The following NXN variants were observed in gnomAD, a reference collection of about 807,000 sequenced individuals.
NXN encodes nucleoredoxin 1.
A neutral mutation model predicts 48.6 loss-of-function variants in NXN; 16 were observed. That is an observed-to-expected ratio of 0.33 (90% CI 0.22 to 0.50). The LOEUF is 0.50. Among genes scored for constraint, NXN ranks in the 20% least tolerant of loss-of-function variants. The pLI, the probability that NXN is intolerant of heterozygous loss-of-function variation, is 0.98. For missense variants in NXN, 492 were observed against 605.5 expected (o/e 0.81, Z 1.97); for synonymous variants, 281 against 269.6 (o/e 1.04, Z -0.41).
chr17:945,577 G>C (rs1364254495), intron 1 of NXN, among the ~76,000 whole-genome samples: 1 of 147,700 alleles, frequency 6.8e-6, no homozygotes, highest in Non-Finnish European at 1.5e-5. Flanking sequence ...CTTGCCGTGA[G>C]CCGAGATCGT....
At chr17:914,674 G>C (rs911424183) in intron 1 of NXN, among the ~76,000 whole-genome samples, 2 of 152,126 alleles carry the variant, frequency 1.3e-5, no homozygotes, top group Non-Finnish European at 2.9e-5. Flanking sequence ...GCAGAGACTC[G>C]CTTCTGACCT....
intron 1 of NXN, among the ~76,000 whole-genome samples, chr17:840,215 G>A (rs944038407): frequency 4.6e-5 from 7 of 152,162 alleles, no homozygotes; most frequent in Non-Finnish European, 8.8e-5. Context: ...CTCCCATTCT[G>A]GTGGAGGGAG....
chr17:845,879 A>G (rs1308641920), intron 1 of NXN, among the ~76,000 whole-genome samples: 2 of 152,204 alleles, frequency 1.3e-5, no homozygotes, highest in African/African-American at 4.8e-5. Flanking sequence ...CCTGGCCAAC[A>G]TGGCAAAACC....
In NXN at chr17:819,483, TC is replaced by T; in HGVS notation, c.775del (p.Asp259MetfsTer29). The T allele has an allele frequency of 6.2e-7, 1 of 1,614,090 alleles. No individual in the cohort carries two copies. The highest frequency in any genetic ancestry group is 8.5e-7 in the Non-Finnish European group (1 of 1,180,004). ...EMPWLAVPYT[D>X]EARRSRLNRL... ...GTTGAGGCGCGACCGCCGGGCCTCA[TC>T]CGTGTAGGGGACGGCGAGCCAGGGC... On this transcript the variant is annotated frameshift_variant, in exon 5 of 8. Coordinates refer to ENST00000336868, the MANE Select transcript of NXN (RefSeq NM_022463.5). LOFTEE classifies it high-confidence loss of function.
At chr17:851,940 C>T (rs964559967) in intron 1 of NXN, among the ~76,000 whole-genome samples, 17 of 152,190 alleles carry the variant, frequency 1.1e-4, no homozygotes, top group African/African-American at 3.4e-4. Flanking sequence ...GGCGCCACAG[C>T]GAGACTTTCT....
At chr17:918,861 A>G in intron 1 of NXN, among the ~76,000 whole-genome samples, 1 of 151,568 alleles carries the variant, frequency 6.6e-6, no homozygotes, top group Non-Finnish European at 1.5e-5. Context: ...GACTCAGAAA[A>G]CAAAGTAAGT....
chr17:814,377 C>A (rs1196470425), intron 5 of NXN, among the ~76,000 whole-genome samples: 1 of 152,160 alleles, frequency 6.6e-6, no homozygotes, highest in Non-Finnish European at 1.5e-5. Flanking sequence ...GCCCTCACAT[C>A]CAGGAAGGAA....
intron 1 of NXN, among the ~76,000 whole-genome samples, chr17:838,808 C>T (rs73975564): frequency 0.047 from 7,195 of 152,270 alleles, 285 homozygotes; most frequent in East Asian, 0.24. Context: ...ATCCGCCCTA[C>T]AGCTGCCTCC....
At chr17:885,497 GAA>G (rs150868094) in intron 1 of NXN, among the ~76,000 whole-genome samples, 5 of 145,422 alleles carry the variant, frequency 3.4e-5, no homozygotes, top group African/African-American at 1.3e-4. Context: ...AAAAGAAAAG[GAA>G]AAAAAAAAGA....
At chr17:965,812 A>C (rs895125429) in intron 1 of NXN, among the ~76,000 whole-genome samples, 4 of 152,034 alleles carry the variant, frequency 2.6e-5, no homozygotes, top group African/African-American at 9.7e-5. Flanking sequence ...AGGCCGAGGC[A>C]GGAGAATGGT....
intron 1 of NXN, among the ~76,000 whole-genome samples, chr17:853,046 C>G (rs1567834084): frequency 6.6e-6 from 1 of 151,914 alleles, no homozygotes; most frequent in East Asian, 2.0e-4. Context: ...GGCGCAATCT[C>G]AGCTCACTGC....
chr17:927,501 A>C (rs1018074705), intron 1 of NXN, among the ~76,000 whole-genome samples: 1 of 141,504 alleles, frequency 7.1e-6, no homozygotes, highest in African/African-American at 2.6e-5. Flanking sequence ...GCTACTTAGG[A>C]GGTTGAGGCA....
chr17:955,489 AAAACTT>A (rs2069156550), intron 1 of NXN, among the ~76,000 whole-genome samples: 1 of 151,508 alleles, frequency 6.6e-6, no homozygotes, highest in African/African-American at 2.4e-5. Context: ...CTCTAAGAGC[AAAACTT>A]GGCAAAGTCT....
chr17:812,679 G>A (rs1912162345), intron 5 of NXN, among the ~76,000 whole-genome samples: 1 of 150,380 alleles, frequency 6.6e-6, no homozygotes, highest in African/African-American at 2.5e-5. Flanking sequence ...TGTGAGTGTA[G>A]GTGTGTGCAC....
At chr17:837,717 C>A (rs910597538) in intron 1 of NXN, among the ~76,000 whole-genome samples, 1 of 152,230 alleles carries the variant, frequency 6.6e-6, no homozygotes, top group African/African-American at 2.4e-5. Flanking sequence ...ACCCTCCCCA[C>A]CTGCGCATTC....
Position 936,091 on chromosome 17 carries a change from CA to C in NXN, c.360+43227del, listed in dbSNP as rs71371597. ...TGGGCAACAGGGCAAGATTCCATCTCAAAAAAAAAAAAAAAAAAAACCTCCA... is the reference window on the plus strand; with the variant it reads ...TGGGCAACAGGGCAAGATTCCATCTCAAAAAAAAAAAAAAAAAAACCTCCA... On this transcript the variant is annotated intron_variant, in intron 1 of 7. Transcript: ENST00000336868. 6.9e-3 allele frequency among the ~76,000 whole-genome samples: 427 copies of C among 61,810 alleles called. 2 individuals carry two copies. The highest frequency in any genetic ancestry group is 0.012 in the South Asian group (17 of 1,370). The allele number at this position is 61,810 out of a possible 152,430, so 40.5% of individuals were successfully genotyped here.
intron 1 of NXN, among the ~76,000 whole-genome samples, chr17:835,003 A>G (rs1039813304): frequency 1.3e-5 from 2 of 151,298 alleles, no homozygotes; most frequent in African/African-American, 4.8e-5. Flanking sequence ...AGGCCACACA[A>G]TGCCAACAGA....
chr17:896,196 C>CG (rs1309552667), intron 1 of NXN, among the ~76,000 whole-genome samples: 1 of 151,722 alleles, frequency 6.6e-6, no homozygotes, highest in Non-Finnish European at 1.5e-5. Context: ...AAAAATTAGC[C>CG]GGGCGTGGTG....
At chr17:806,037 C>T (rs962140931) in intron 5 of NXN, among the ~76,000 whole-genome samples, 32 of 152,064 alleles carry the variant, frequency 2.1e-4, no homozygotes, top group African/African-American at 7.5e-4. Context: ...CCACAGTGAG[C>T]GCAGGGCCAG....
Sources: gnomAD v4.1 joint callset for allele counts (sites outside exome capture counted in the v4.1 genomes callset) on GRCh38, gnomAD v4.1.1 for gene constraint, MANE v1.5 for transcripts, NCBI Gene and HGNC (gene_info 2026-07-23, HGNC 2026-07-21) for gene names.